The following ZNF71 variants were observed in gnomAD, a reference collection of about 807,000 sequenced individuals.
The protein encoded by ZNF71 is endothelial zinc finger protein induced by tumor necrosis factor alpha.
Under a neutral mutation model 6.7 loss-of-function variants are expected in ZNF71, and 3 were observed. That is an observed-to-expected ratio of 0.45 (90% CI 0.20 to 1.16). The LOEUF (loss-of-function observed/expected upper bound fraction) is 1.16, where lower values mean the gene tolerates loss of function less well. ZNF71 is among the 50% of genes most tolerant of loss of function. ZNF71 has a pLI of 0.25. For missense variants in ZNF71, 688 were observed against 728.6 expected, an observed-to-expected ratio of 0.94 and a Z score of 0.64; for synonymous variants, 343 against 311.1, an observed-to-expected ratio of 1.10 and a Z score of -1.08.
chr19:56,622,684 A>G lies in ZNF71; in HGVS notation c.1577A>G (p.Tyr526Cys). ...HQRIHTGEKP[Y>C]RCGECGKTFS... is the part of the protein sequence containing the mutation. ...CGGATCCACACGGGCGAGAAGCCCT[A>G]CCGATGCGGCGAGTGCGGGAAGACC... Residue 526 changes from tyrosine to cysteine, a missense_variant, in exon 4 of 4, where the codon TAC becomes TGC. Coordinates refer to ENST00000599599, the MANE Select transcript of ZNF71 (RefSeq NM_001370215.1). 1 of 1,614,084 alleles carries G rather than the reference A, an allele frequency of 6.2e-7. No homozygotes were observed. Among genetic ancestry groups the G allele is most frequent in the African/African-American group, 1.3e-5 (1 of 75,072 alleles).
chr19:56,607,737 G>C (rs2044720814), intron 2 of ZNF71, among the ~76,000 whole-genome samples: 1 of 152,166 alleles, frequency 6.6e-6, no homozygotes, highest in Non-Finnish European at 1.5e-5. Flanking sequence ...TGTATTACTT[G>C]TGGCTGTGTA....
At chr19:56,615,865 T>C (rs2044787312) in intron 3 of ZNF71, among the ~76,000 whole-genome samples, 1 of 152,332 alleles carries the variant, frequency 6.6e-6, no homozygotes, top group Middle Eastern at 3.4e-3. Flanking sequence ...ACAATCTAAC[T>C]CAAAGCCATG....
At chr19:56,605,131 A>G (rs2044699901) in intron 2 of ZNF71, among the ~76,000 whole-genome samples, 1 of 152,216 alleles carries the variant, frequency 6.6e-6, no homozygotes. Flanking sequence ...ACAATTTTGA[A>G]ACCCCCATAG....
At chr19:56,614,579 G>A (rs1405894453) in intron 3 of ZNF71, among the ~76,000 whole-genome samples, 1 of 152,170 alleles carries the variant, frequency 6.6e-6, no homozygotes, top group African/African-American at 2.4e-5. Context: ...AAGGCCTATC[G>A]ATATGTTGGA....
intron 2 of ZNF71, among the ~76,000 whole-genome samples, chr19:56,604,019 TTC>T (rs1355980176): frequency 6.6e-6 from 1 of 152,172 alleles, no homozygotes; most frequent in Non-Finnish European, 1.5e-5. Flanking sequence ...GAAGGCTGTG[TTC>T]TGTGTCTCAG....
Position 56,621,324 on chromosome 19 carries a change from GA to G in ZNF71, c.218del (p.Asp73AlafsTer56). 1 of 1,529,896 alleles carries G rather than the reference GA, an allele frequency of 6.5e-7. No homozygotes were observed. Among genetic ancestry groups the G allele is most frequent in the South Asian group, 1.3e-5 (1 of 76,812 alleles). The allele number at this position is 1,529,896 out of a possible 1,614,324, so 94.8% of individuals were successfully genotyped here. A position where few individuals can be genotyped will look rare whatever the true frequency, so the allele number is the denominator to read the frequency against. On this transcript the variant is annotated frameshift_variant, in exon 4 of 4. Transcript: ENST00000599599. LOFTEE classifies it low-confidence loss of function (END_TRUNC). ...GGATCCAAAGAATGACATTTCGGAA[GA>G]CAAGCTCTCCGTTGTTGGGGAGGCC... ...ELDPKNDISE[D>X]KLSVVGEATG...
rs2044851874 is a variant in ZNF71, at chr19:56,621,734, A to G, written c.627A>G (p.Gln209=). 1 of 1,613,464 alleles carries G rather than the reference A, an allele frequency of 6.2e-7. No individual in the cohort carries two copies. The highest frequency in any genetic ancestry group is 1.3e-5 in the African/African-American group (1 of 74,876). ...GAAGCTCGTCCCTGATAAAGCACCAAAGGATCCACACGGGAGAAAAGCCGT... is the reference window on the plus strand; with the variant it reads ...GAAGCTCGTCCCTGATAAAGCACCAGAGGATCCACACGGGAGAAAAGCCGT... ...FSRSSSLIKH[Q]RIHTGEKPFE... is the part of the protein sequence containing the mutation. The change falls in exon 4 of 4, where the codon CAA becomes CAG. Residue 209 remains glutamine, a synonymous_variant. Coordinates refer to ENST00000599599, the MANE Select transcript of ZNF71 (RefSeq NM_001370215.1).
At chr19:56,595,768 G>GTGGGTCTGTA (rs1237889217) in intron 1 of ZNF71, among the ~76,000 whole-genome samples, 1 of 152,078 alleles carries the variant, frequency 6.6e-6, no homozygotes, top group Non-Finnish European at 1.5e-5. Context: ...GTGTGTCTGT[G>GTGGGTCTGTA]TGGGTCTGTA....
At chr19:56,616,641 T>C (rs181125103) in intron 3 of ZNF71, among the ~76,000 whole-genome samples, 1 of 152,372 alleles carries the variant, frequency 6.6e-6, no homozygotes, top group African/African-American at 2.4e-5. Context: ...ATGCACGTTT[T>C]GACCAATAGT....
In ZNF71 at chr19:56,622,227, A is replaced by T. The variant is rs779611801; in HGVS notation, c.1120A>T (p.Thr374Ser). The T allele has an allele frequency of 2.5e-6, 4 of 1,613,088 alleles. No individual in the cohort carries two copies. The highest frequency in any genetic ancestry group is 1.7e-5 in the Admixed American group (1 of 60,010). The change falls in exon 4 of 4, where the codon ACC (threonine) becomes TCC (serine). Residue 374 changes from threonine to serine, a missense_variant. By Grantham distance (58) the Thr-to-Ser change is moderately conservative. Coordinates refer to ENST00000599599, the MANE Select transcript of ZNF71 (RefSeq NM_001370215.1). The stretch of plus-strand genomic sequence containing the variant: ...GGCCTTCAACAAGAGCTCCTCGCTC[A>T]CCCTGCACCAGAGGAACCACACCGG... ...GKAFNKSSSL[T>S]LHQRNHTGEK...
Position 56,624,447 on chromosome 19 carries a change from C to T in ZNF71, c.*1690C>T, listed in dbSNP as rs1284907400. The T allele has an allele frequency of 6.6e-6, 1 of 152,160 alleles. No homozygotes were observed. The highest frequency in any genetic ancestry group is 2.4e-5 in the African/African-American group (1 of 41,424). 9.4% of individuals were successfully genotyped at this position (152,160 alleles called of 1,614,324 possible). A position where few individuals can be genotyped will look rare whatever the true frequency, so the allele number is the denominator to read the frequency against. On this transcript the variant is annotated 3_prime_UTR_variant, in exon 4 of 4. Transcript: ENST00000599599. ...TCTTGATCAGACATTGCTTTAGTTG[C>T]ATCTGTTGTGGGAATAAATGAGAAT...
chr19:56,609,889 G>A (rs1191689222), intron 2 of ZNF71: 8 of 151,786 alleles, frequency 5.3e-5, no homozygotes, highest in East Asian at 1.9e-4. Context: ...TGCCTATTCC[G>A]GACATTGTGT....
rs1450459405 is a variant in ZNF71 at position 56,621,905 on chromosome 19, C to G, written c.798C>G (p.Arg266=). Residue 266 remains arginine (R), a synonymous_variant, in exon 4 of 4, where the codon CGC becomes CGG. Coordinates refer to ENST00000599599, the MANE Select transcript of ZNF71 (RefSeq NM_001370215.1). The part of the protein sequence containing the change: ...SQRMNLTVHQ[R]THTGEKPYVC... The stretch of plus-strand genomic sequence containing the variant: ...GCATGAACCTCACTGTGCACCAGCG[C>G]ACGCACACGGGCGAGAAGCCGTATG... The G allele has an allele frequency of 6.2e-7, 1 of 1,612,756 alleles. No homozygotes were observed. The highest frequency in any genetic ancestry group is 1.3e-5 in the African/African-American group (1 of 74,716).
Position 56,621,586 on chromosome 19 carries a change from G to A in ZNF71, c.479G>A (p.Gly160Glu). The A allele has an allele frequency of 6.2e-7, 1 of 1,614,172 alleles. No individual in the cohort carries two copies. Among genetic ancestry groups the A allele is most frequent in the South Asian group, 1.1e-5 (1 of 91,080 alleles). Reference protein sequence around the residue: ...PPRLDDPTEKGACPPVRRGKN... With the variant: ...PPRLDDPTEKEACPPVRRGKN... ...CGGCTGGACGACCCCACAGAAAAGG[G>A]GGCCTGTCCACCCGTAAGGCGTGGC... is the stretch of plus-strand genomic sequence containing the variant. Residue 160 changes from glycine to glutamate, a missense_variant, in exon 4 of 4, where the codon GGG becomes GAG. Gly to Glu is a moderately conservative substitution (Grantham distance 98). Coordinates refer to ENST00000599599, the MANE Select transcript of ZNF71 (RefSeq NM_001370215.1).
rs1191828616 is a variant in ZNF71 at position 56,622,155 on chromosome 19, C to T, written c.1048C>T (p.Arg350Cys). 1 of 1,613,672 alleles carries T rather than the reference C, an allele frequency of 6.2e-7. No homozygotes were observed. Among genetic ancestry groups the T allele is most frequent in the Non-Finnish European group, 8.5e-7 (1 of 1,179,794 alleles). The change falls in exon 4 of 4, where the codon CGC (arginine) becomes TGC (cysteine). Residue 350 changes from arginine (R) to cysteine (C), a missense_variant. Physicochemically the swap from Arg to Cys is radical, Grantham distance 180. Transcript: ENST00000599599. The stretch of plus-strand genomic sequence containing the variant: ...GAACATGCACCTGACCGAGCACCAG[C>T]GCACGCACACCGGGGAGAAGCCGTA... ...SQNMHLTEHQ[R>C]THTGEKPYAC... is the part of the protein sequence containing the mutation.
chr19:56,613,283 C>T lies in ZNF71; in HGVS notation c.34-529C>T, dbSNP rs571896820. On this transcript the variant is annotated intron_variant, in intron 2 of 3. Transcript: ENST00000599599. The surrounding 1 kb of genome is among the most constrained non-coding windows in gnomAD (Gnocchi z 4.6). ...AAGTCTTCCTGGGCACCCCCCACAG[C>T]TGGCATTACTCAGGCACCTGGAGAC... Among the ~76,000 whole-genome samples the T allele has an allele frequency of 3.3e-5, 5 of 152,342 alleles. No individual in the cohort carries two copies. The highest frequency in any genetic ancestry group is 1.2e-4 in the African/African-American group (5 of 41,584).
At chr19:56,596,638 T>C (rs1184376205) in intron 1 of ZNF71, among the ~76,000 whole-genome samples, 1 of 152,204 alleles carries the variant, frequency 6.6e-6, no homozygotes, top group African/African-American at 2.4e-5. Context: ...GGAATGTGTA[T>C]GCAGCCAGTG....
chr19:56,597,429 C>T (rs2044634184), intron 1 of ZNF71, among the ~76,000 whole-genome samples: 1 of 152,250 alleles, frequency 6.6e-6, no homozygotes, highest in South Asian at 2.1e-4. Flanking sequence ...ACCCCCTTCT[C>T]ATTCCCACTC....
At chr19:56,617,107 C>CTTTTTTTTTTTTTTTTTTTTTTTT (rs200131241) in intron 3 of ZNF71, among the ~76,000 whole-genome samples, 1 of 117,096 alleles carries the variant, frequency 8.5e-6, no homozygotes, top group Non-Finnish European at 1.7e-5. Flanking sequence ...CTTCCATTTT[C>CTTTTTTTTTTTTTTTTTTTTTTTT]TTTTGTTTTT....
Sources: gnomAD v4.1 joint callset for allele counts (sites outside exome capture counted in the v4.1 genomes callset) on GRCh38, gnomAD v4.1.1 for gene constraint, Gnocchi (gnomAD v3.1) non-coding constraint, MANE v1.5 for transcripts, NCBI Gene and HGNC (gene_info 2026-07-23, HGNC 2026-07-21) for gene names.